DNAJC17: variants seen among roughly 807,000 people sequenced by gnomAD.
DNAJC17 encodes dnaJ homolog subfamily C member 17.
A neutral mutation model predicts 48.1 loss-of-function variants in DNAJC17; 35 were observed. That is an observed-to-expected ratio of 0.73 (90% CI 0.56 to 0.96). DNAJC17 has a LOEUF of 0.96. Ranked by LOEUF, DNAJC17 falls within the 50% of genes least tolerant of loss-of-function variation. The pLI, the probability that DNAJC17 is intolerant of heterozygous loss-of-function variation, is 0.00. For missense variants in DNAJC17, 355 were observed against 377.1 expected, an observed-to-expected ratio of 0.94 and a Z score of 0.48; for synonymous variants, 117 against 142.7, an observed-to-expected ratio of 0.82 and a Z score of 1.28.
At chr15:40,768,627 G>C (rs563894116) in intron 10 of DNAJC17, among the ~76,000 whole-genome samples, 83 of 152,352 alleles carry the variant, frequency 5.4e-4, no homozygotes, top group African/African-American at 1.9e-3. Context: ...AGGCCAGCGT[G>C]CCTCTAAAAC....
At position 40,770,902 on chromosome 15, in the gene DNAJC17, G is replaced by A. The variant is rs1028762448; in HGVS notation, c.792+2825C>T. The A allele has an allele frequency of 1.5e-5, 24 of 1,551,392 alleles. No homozygotes were observed. Among genetic ancestry groups the A allele is most frequent in the African/African-American group, 4.1e-5 (3 of 73,046 alleles). ...CTTGTGGACACTCCCTGCTTCCAGA[G>A]GACACCTACCCCAGACCTCAGTGAT... On this transcript the variant is annotated intron_variant, in intron 10 of 10. Coordinates refer to ENST00000220496, the MANE Select transcript of DNAJC17 (RefSeq NM_018163.3). The surrounding 1 kb of genome is among the most constrained non-coding windows in gnomAD (Gnocchi z 5.0).
At chr15:40,787,658 T>C (rs924666679) in intron 1 of DNAJC17, among the ~76,000 whole-genome samples, 11 of 152,146 alleles carry the variant, frequency 7.2e-5, no homozygotes, top group Admixed American at 4.6e-4. Flanking sequence ...TAACCGGTTC[T>C]ACCACTTTCA....
At chr15:40,791,365 T>C (rs1292571409) in intron 1 of DNAJC17, among the ~76,000 whole-genome samples, 2 of 151,836 alleles carry the variant, frequency 1.3e-5, no homozygotes, top group African/African-American at 4.8e-5. Flanking sequence ...CCATCTCTAC[T>C]AAAAATACAA....
intron 1 of DNAJC17, among the ~76,000 whole-genome samples, chr15:40,803,744 C>A (rs140734138): frequency 6.8e-6 from 1 of 147,468 alleles, no homozygotes; most frequent in Admixed American, 6.6e-5. Context: ...CCCTTGTATG[C>A]GTGAATCTTG....
chr15:40,801,086 A>C (rs1023015245), intron 1 of DNAJC17, among the ~76,000 whole-genome samples: 4 of 152,160 alleles, frequency 2.6e-5, no homozygotes, highest in Non-Finnish European at 4.4e-5. Context: ...CCTGATTCTC[A>C]AGTAAAGTCG....
Position 40,765,823 on chromosome 15 carries a change from G to C in DNAJC17, c.*2117C>G, listed in dbSNP as rs1888934303. On this transcript the variant is annotated 3_prime_UTR_variant, in exon 11 of 11. Coordinates refer to ENST00000220496, the MANE Select transcript of DNAJC17 (RefSeq NM_018163.3). ...CCAAGCAGCCACTGTGGCTTACCTT[G>C]CAGGAGGTGGGCCCCACTATGGTGG... 6.5e-7 allele frequency: 1 copy of C among 1,527,068 alleles called. No individual in the cohort carries two copies. The highest frequency in any genetic ancestry group is 1.2e-5 in the South Asian group (1 of 83,840). The allele number at this position is 1,527,068 out of a possible 1,614,324, so 94.6% of individuals were successfully genotyped here. A position where few individuals can be genotyped will look rare whatever the true frequency, so the allele number is the denominator to read the frequency against.
At chr15:40,771,458 T>C (rs1889139117) in intron 10 of DNAJC17, 1 of 195,148 alleles carries the variant, frequency 5.1e-6, no homozygotes, top group Non-Finnish European at 1.2e-5. Context: ...CCAGCCTCTT[T>C]GGAAGCCACT....
chr15:40,776,384 A>G, intron 5 of DNAJC17, 92 bp from the exon 6 acceptor site: 1 of 1,485,088 alleles, frequency 6.7e-7, no homozygotes, highest in Non-Finnish European at 9.3e-7. Context: ...TTCCACCTGC[A>G]AGCTAGGGCT....
chr15:40,791,838 T>G (rs558107190), intron 1 of DNAJC17, among the ~76,000 whole-genome samples: 1 of 151,918 alleles, frequency 6.6e-6, no homozygotes, highest in East Asian at 1.9e-4. Flanking sequence ...AGAGCGAAAC[T>G]CCATCTGAAA....
intron 1 of DNAJC17, among the ~76,000 whole-genome samples, chr15:40,801,908 G>C (rs1234984031): frequency 1.3e-5 from 2 of 152,112 alleles, no homozygotes; most frequent in African/African-American, 4.8e-5. Context: ...AAGTTGGCAG[G>C]CTCCTCTAAA....
rs371603327 is a variant in DNAJC17, at chr15:40,779,918, A to C, written c.148+10T>G. The C allele has an allele frequency of 2.8e-5, 45 of 1,613,460 alleles. No individual in the cohort carries two copies. The African/African-American group carries it at 5.7e-4, about 21-fold the overall frequency. ...GTTTCTTTCTCCCCACGCCCTGAGA[A>C]GAGTCTCACCTGCTCTGGGATTATC... On this transcript the variant is annotated intron_variant, in intron 2 of 10. Coordinates refer to ENST00000220496, the MANE Select transcript of DNAJC17 (RefSeq NM_018163.3).
In DNAJC17 at chr15:40,770,714, G is replaced by C. The variant is rs1250259323; in HGVS notation, c.793-2652C>G. ...CACTGTGGGGGGACGAGCAGCCCCG[G>C]GCCACCCTGCTGGCCCCACCCAAGC... On this transcript the variant is annotated intron_variant, in intron 10 of 10. Coordinates refer to ENST00000220496, the MANE Select transcript of DNAJC17 (RefSeq NM_018163.3). This position sits in a 1 kb window ranked among gnomAD's most constrained non-coding sequence, Gnocchi z 5.0. 1 of 1,546,472 alleles carries C rather than the reference G, an allele frequency of 6.5e-7. No individual in the cohort carries two copies. Among genetic ancestry groups the C allele is most frequent in the Admixed American group, 2.0e-5 (1 of 50,996 alleles).
At chr15:40,797,121 G>A (rs1313088448) in intron 1 of DNAJC17, among the ~76,000 whole-genome samples, 1 of 152,138 alleles carries the variant, frequency 6.6e-6, no homozygotes, top group Admixed American at 6.5e-5. Flanking sequence ...TGTAATCCTA[G>A]CACTTTGGGA....
In DNAJC17 at chr15:40,767,059, C is replaced by G. The variant is rs1037205317; in HGVS notation, c.*881G>C. ...ATAAATGAGATAGCTCGTGAAGTAC[C>G]TAGAAGGGGAGGAGGCAGGGGGCGT... is the stretch of plus-strand genomic sequence containing the variant. On this transcript the variant is annotated 3_prime_UTR_variant, in exon 11 of 11. Transcript: ENST00000220496. 5.5e-6 allele frequency: 3 copies of G among 548,306 alleles called. No homozygotes were observed. The Admixed American group carries it at 9.8e-5, about 18-fold the overall frequency. 34.0% of individuals were successfully genotyped at this position (548,306 alleles called of 1,614,324 possible). A position where few individuals can be genotyped will look rare whatever the true frequency, so the allele number is the denominator to read the frequency against.
intron 10 of DNAJC17, among the ~76,000 whole-genome samples, chr15:40,772,959 CT>C (rs754542485): frequency 0.043 from 5,694 of 133,574 alleles, 328 homozygotes; most frequent in African/African-American, 0.15. Flanking sequence ...AGAGTTCCTT[CT>C]TTTTTTTTTT....
chr15:40,789,631 T>C (rs953890955), intron 1 of DNAJC17, among the ~76,000 whole-genome samples: 2 of 151,976 alleles, frequency 1.3e-5, no homozygotes, highest in African/African-American at 4.8e-5. Context: ...CCTGGGTCTC[T>C]AGCCCCAGAA....
At chr15:40,786,435 G>A (rs971091760) in intron 1 of DNAJC17, among the ~76,000 whole-genome samples, 3 of 152,156 alleles carry the variant, frequency 2.0e-5, no homozygotes, top group East Asian at 1.9e-4. Flanking sequence ...AAGGTGAGGC[G>A]GGAGGATCGC....
In DNAJC17 at chr15:40,770,506, G is replaced by A; in HGVS notation, c.793-2444C>T. The A allele has an allele frequency of 6.5e-7, 1 of 1,549,548 alleles. No individual in the cohort carries two copies. Among genetic ancestry groups the A allele is most frequent in the Non-Finnish European group, 8.7e-7 (1 of 1,146,558 alleles). ...GCTCCCCTGGGCCCCATGGAGACCT[G>A]GCGGAAAGGCTCCTTCCGCAACGCC... is the stretch of plus-strand genomic sequence containing the variant. On this transcript the variant is annotated intron_variant, in intron 10 of 10. Transcript: ENST00000220496. The surrounding 1 kb of genome is among the most constrained non-coding windows in gnomAD (Gnocchi z 5.0).
At chr15:40,782,948 C>T (rs1566825530) in intron 1 of DNAJC17, among the ~76,000 whole-genome samples, 3 of 152,118 alleles carry the variant, frequency 2.0e-5, no homozygotes, top group African/African-American at 4.8e-5. Flanking sequence ...CCTTCCCAAT[C>T]GCCCACCGAA....
Sources: allele counts gnomAD v4.1 joint callset (sites outside exome capture counted in the v4.1 genomes callset), GRCh38; gene constraint gnomAD v4.1.1; non-coding constraint Gnocchi (gnomAD v3.1); transcripts MANE v1.5; gene names NCBI Gene and HGNC (gene_info 2026-07-23, HGNC 2026-07-21).